ARHGAP27: variants seen among roughly 807,000 people sequenced by gnomAD.
The protein encoded by ARHGAP27 is rho GTPase-activating protein 27.
A neutral mutation model predicts 102.0 loss-of-function variants in ARHGAP27; 53 were observed. The observed-to-expected ratio is 0.52, with a 90% CI of 0.42 to 0.65. The LOEUF is 0.65. ARHGAP27 is among the 30% of genes least tolerant of loss of function. The pLI, the probability that ARHGAP27 is intolerant of heterozygous loss-of-function variation, is 0.00. For missense variants in ARHGAP27, 1,117 were observed against 1,256.2 expected, an observed-to-expected ratio of 0.89 and a Z score of 1.68; for synonymous variants, 525 against 542.8, an observed-to-expected ratio of 0.97 and a Z score of 0.46.
In ARHGAP27 at chr17:45,427,169, A is replaced by C. The variant is rs1380998401; in HGVS notation, c.657+2454T>G. 4.7e-5 allele frequency among the ~76,000 whole-genome samples: 7 copies of C among 150,052 alleles called. No individual in the cohort carries two copies. The highest frequency in any genetic ancestry group is 2.0e-4 in the Admixed American group (3 of 15,046). On this transcript the variant is annotated intron_variant, in intron 4 of 19. Coordinates refer to ENST00000685559, the MANE Select transcript of ARHGAP27 (RefSeq NM_001282290.2). This position sits in a 1 kb window ranked among gnomAD's most constrained non-coding sequence, Gnocchi z 4.5. Reference sequence around the variant, plus strand: ...CAAACCTCTGTTTCCACACATGCCCACGAGACCACCAAGAGCTTCAGCCAT... The same window carrying C: ...CAAACCTCTGTTTCCACACATGCCCCCGAGACCACCAAGAGCTTCAGCCAT...
intron 7 of ARHGAP27, 22 bp from the exon 8 acceptor site, chr17:45,404,550 T>TA: frequency 6.2e-7 from 1 of 1,613,704 alleles, no homozygotes; most frequent in Non-Finnish European, 8.5e-7. Context: ...GACACAGTCG[T>TA]ATATGATCTC....
chr17:45,407,388 C>T (rs1006229322), intron 4 of ARHGAP27: 1 of 152,248 alleles, frequency 6.6e-6, no homozygotes, highest in East Asian at 1.9e-4. Context: ...ATCCCCGTGC[C>T]CCCACATTCA....
Position 45,418,418 on chromosome 17 carries a change from C to T in ARHGAP27, c.657+11205G>A, listed in dbSNP as rs562287578. Among the ~76,000 whole-genome samples the T allele has an allele frequency of 6.0e-5, 9 of 149,712 alleles. No homozygotes were observed. The East Asian group carries it at 1.0e-3, about 17-fold the overall frequency. On this transcript the variant is annotated intron_variant, in intron 4 of 19. Coordinates refer to ENST00000685559, the MANE Select transcript of ARHGAP27 (RefSeq NM_001282290.2). ...CCAGGAGGTTGAGGCTGCAGTGAGC[C>T]GTGATCGCACCACTGCACTCCAGCC...
Position 45,406,496 on chromosome 17 carries a change from C to T in ARHGAP27, c.658-413G>A, listed in dbSNP as rs144295457. Among the ~76,000 whole-genome samples the T allele has an allele frequency of 3.3e-5, 5 of 152,270 alleles. 1 individual carries two copies. The highest frequency in any genetic ancestry group is 4.8e-5 in the African/African-American group (2 of 41,548). ...TTTGTAAAGTATTTAGTGCCCCAGA[C>T]GGGTGGGTCAATTACATTAATTATA... On this transcript the variant is annotated intron_variant, in intron 4 of 19. Coordinates refer to ENST00000685559, the MANE Select transcript of ARHGAP27 (RefSeq NM_001282290.2).
chr17:45,429,602 C>A, intron 4 of ARHGAP27, 21 bp downstream of exon 4: 2 of 1,574,820 alleles, frequency 1.3e-6, no homozygotes, highest in Non-Finnish European at 1.7e-6. Flanking sequence ...CGCCTCCGCG[C>A]CCCAGCGCCC....
intron 10 of ARHGAP27, 106 bp from the exon 11 acceptor site, chr17:45,403,815 G>T: frequency 9.2e-7 from 1 of 1,088,472 alleles, no homozygotes; most frequent in Non-Finnish European, 1.3e-6. Flanking sequence ...ACAGGCTAGG[G>T]CACCCCATTA....
intron 18 of ARHGAP27, 51 bp downstream of exon 18, chr17:45,395,932 G>A (rs767014334): frequency 1.3e-5 from 20 of 1,568,620 alleles, no homozygotes; most frequent in African/African-American, 2.7e-5. Context: ...TGCTAAAGGG[G>A]TGCCCCGCCA....
Position 45,397,164 on chromosome 17 carries a change from G to A in ARHGAP27, c.1843-140C>T, listed in dbSNP as rs2045852385. 1.5e-5 allele frequency: 22 copies of A among 1,453,286 alleles called. 1 individual carries two copies. The highest frequency in any genetic ancestry group is 1.7e-5 in the Non-Finnish European group (19 of 1,108,426). 90.0% of individuals were successfully genotyped at this position (1,453,286 alleles called of 1,614,324 possible). On this transcript the variant is annotated intron_variant, in intron 13 of 19. Coordinates refer to ENST00000685559, the MANE Select transcript of ARHGAP27 (RefSeq NM_001282290.2). ...GAAGAGTCCTCTCTTCCCTTAACCA[G>A]GTTAACTCTCCTTACCTCCACCAGT... is the stretch of plus-strand genomic sequence containing the variant.
In ARHGAP27 at chr17:45,425,141, G is replaced by A. The variant is rs547177091; in HGVS notation, c.657+4482C>T. 8.9e-4 allele frequency among the ~76,000 whole-genome samples: 135 copies of A among 152,132 alleles called. 1 individual carries two copies. The Middle Eastern group carries it at 0.01, about 11-fold the overall frequency. On this transcript the variant is annotated intron_variant, in intron 4 of 19. Transcript: ENST00000685559. ...GGCAGAGGGGCTCCTGGGACAGCCTGGGGCTGCAGGTGAGTCACCGGGAGG... is the reference window on the plus strand; with the variant it reads ...GGCAGAGGGGCTCCTGGGACAGCCTAGGGCTGCAGGTGAGTCACCGGGAGG...
At position 45,404,241 on chromosome 17, in the gene ARHGAP27, C is replaced by A. The variant is rs761067554; in HGVS notation, c.1479+28G>T. 5.0e-6 allele frequency: 8 copies of A among 1,613,308 alleles called. No homozygotes were observed. In the African/African-American group the frequency reaches 1.1e-4, roughly 22 times the overall value. On this transcript the variant is annotated intron_variant, in intron 9 of 19. Coordinates refer to ENST00000685559, the MANE Select transcript of ARHGAP27 (RefSeq NM_001282290.2). ...GAACCCTCCTCGCCAGCACCACCAC[C>A]TGGCTGGGGGTAGGGGGTGATGCCT...
intron 16 of ARHGAP27, 61 bp downstream of exon 16, chr17:45,396,426 C>G: frequency 6.8e-7 from 1 of 1,475,406 alleles, no homozygotes; most frequent in Non-Finnish European, 9.0e-7. Context: ...AGCCTGCGGT[C>G]CTGGCAGGAG....
intron 5 of ARHGAP27, among the ~76,000 whole-genome samples, 180 bp downstream of exon 5, chr17:45,405,496 C>A (rs2047040671): frequency 6.7e-6 from 1 of 149,574 alleles, no homozygotes; most frequent in Admixed American, 6.6e-5. Context: ...ACTCCAGCCC[C>A]GCCCTTCACC....
intron 11 of ARHGAP27, among the ~76,000 whole-genome samples, chr17:45,403,107 G>C (rs1187135040): frequency 1.3e-5 from 2 of 152,222 alleles, no homozygotes; most frequent in Admixed American, 1.3e-4. Context: ...CTCCAGGCTG[G>C]AGCTGGCCAC....
intron 4 of ARHGAP27, chr17:45,409,562 G>A (rs1036052164): frequency 9.8e-5 from 15 of 152,438 alleles, no homozygotes; most frequent in African/African-American, 3.4e-4. Flanking sequence ...ACTGAGCAGA[G>A]TCTACTCCCT....
chr17:45,404,714 C>G, intron 6 of ARHGAP27, 33 bp from the exon 7 acceptor site: 1 of 1,594,358 alleles, frequency 6.3e-7, no homozygotes. Context: ...GGCCTCCAGC[C>G]CAGCTTATGA....
At chr17:45,416,801 C>G (rs1297934867) in intron 4 of ARHGAP27, among the ~76,000 whole-genome samples, 1 of 150,436 alleles carries the variant, frequency 6.6e-6, no homozygotes, top group Non-Finnish European at 1.5e-5. Flanking sequence ...CCCGCCTCAG[C>G]CTCTCAAAGT....
rs1263633096 is a variant in ARHGAP27, at chr17:45,393,989, C to T, written c.*1467G>A. 6.6e-6 allele frequency: 1 copy of T among 152,610 alleles called. No homozygotes were observed. The highest frequency in any genetic ancestry group is 1.5e-5 in the Non-Finnish European group (1 of 68,032). The allele number at this position is 152,610 out of a possible 1,614,324, so 9.5% of individuals were successfully genotyped here. On this transcript the variant is annotated 3_prime_UTR_variant, in exon 20 of 20. Transcript: ENST00000685559. ...ATATTTAGACATATGGTATGAGGCC[C>T]CTGTGTGTACTCTTGCCCTGGCCCT... is the stretch of plus-strand genomic sequence containing the variant.
intron 4 of ARHGAP27, among the ~76,000 whole-genome samples, chr17:45,419,329 A>G (rs2048786237): frequency 2.0e-5 from 3 of 152,270 alleles, no homozygotes; most frequent in African/African-American, 2.4e-5. Flanking sequence ...AAACGAAGCC[A>G]TAAATACAAA....
intron 4 of ARHGAP27, among the ~76,000 whole-genome samples, chr17:45,419,146 G>A (rs1435994944): frequency 2.0e-5 from 3 of 146,740 alleles, no homozygotes; most frequent in Non-Finnish European, 4.4e-5. Flanking sequence ...ACGCACTAAA[G>A]ATGCCATCAC....
Sources: allele counts gnomAD v4.1 joint callset (sites outside exome capture counted in the v4.1 genomes callset), GRCh38; gene constraint gnomAD v4.1.1; non-coding constraint Gnocchi (gnomAD v3.1); transcripts MANE v1.5; gene names NCBI Gene and HGNC (gene_info 2026-07-23, HGNC 2026-07-21).